NCKAP5: variants seen among roughly 807,000 people sequenced by gnomAD.
NCKAP5 encodes nck-associated protein 5.
In NCKAP5, 92 loss-of-function variants were observed where a neutral mutation model predicts 167.0. The ratio of observed to expected loss-of-function variants is 0.55; its 90% confidence interval spans 0.47 to 0.66. The LOEUF (loss-of-function observed/expected upper bound fraction) is 0.66, where lower values mean the gene tolerates loss of function less well. Among genes scored for constraint, NCKAP5 ranks in the 30% least tolerant of loss-of-function variants. The pLI is 0.00. For synonymous variants in NCKAP5, 891 were observed against 877.4 expected (o/e 1.02, Z -0.27); for missense variants, 2,378 against 2,315.0 (o/e 1.03, Z -0.56).
chr2:133,089,323 C>T (rs1451703016), intron 6 of NCKAP5, among the ~76,000 whole-genome samples: 3 of 152,160 alleles, frequency 2.0e-5, no homozygotes, highest in South Asian at 2.1e-4. Flanking sequence ...ATTTTTAAAA[C>T]AAGCTTTAAT....
intron 4 of NCKAP5, among the ~76,000 whole-genome samples, chr2:133,257,235 G>A (rs927085905): frequency 6.6e-6 from 1 of 152,152 alleles, no homozygotes; most frequent in Non-Finnish European, 1.5e-5. Flanking sequence ...CATGTGAAGT[G>A]CCAACAAGCA....
At chr2:133,652,650 C>T in the NCKAP5 span, among the ~76,000 whole-genome samples, 2 of 152,190 alleles carry the variant, frequency 1.3e-5, no homozygotes, top group Non-Finnish European at 2.9e-5. Context: ...TTCTCTCTGG[C>T]CAAAGAACTT....
chr2:133,407,309 A>G (rs978013439), intron 3 of NCKAP5, among the ~76,000 whole-genome samples: 2 of 152,216 alleles, frequency 1.3e-5, no homozygotes, highest in African/African-American at 4.8e-5. Context: ...TCTGTACACA[A>G]TGGAAGCAGA....
rs188129550 is a variant in NCKAP5 at position 133,544,706 on chromosome 2, T to C, written c.-62+14344A>G. ...CTTCACACAAATGGATGAACTGTTT[T>C]CTAGGATAAATAGCTAAAGGTGCCC... On this transcript the variant is annotated intron_variant, in intron 2 of 19. Coordinates refer to ENST00000409261, the MANE Select transcript of NCKAP5 (RefSeq NM_207363.3). Among the ~76,000 whole-genome samples the C allele has an allele frequency of 1.7e-3, 258 of 152,338 alleles. 2 individuals carry two copies. The highest frequency in any genetic ancestry group is 5.7e-3 in the African/African-American group (237 of 41,580).
At position 132,784,894 on chromosome 2, in the gene NCKAP5, G is replaced by A; in HGVS notation, c.1917C>T (p.Pro639=). The A allele has an allele frequency of 6.4e-7, 1 of 1,567,936 alleles. No homozygotes were observed. Among genetic ancestry groups the A allele is most frequent in the Non-Finnish European group, 8.6e-7 (1 of 1,158,288 alleles). Residue 639 remains proline (P), a synonymous_variant, in exon 14 of 20, where the codon CCC becomes CCT. Coordinates refer to ENST00000409261, the MANE Select transcript of NCKAP5 (RefSeq NM_207363.3). ...GSPEEEEKQV[P]IPSETRPKTF... is the part of the protein sequence containing the mutation. ...TCTTTGGCCTAGTCTCTGAAGGGAT[G>A]GGCACTTGTTTTTCCTCCTCTTCAG...
At chr2:133,354,099 G>T (rs1684544147) in intron 3 of NCKAP5, among the ~76,000 whole-genome samples, 1 of 152,188 alleles carries the variant, frequency 6.6e-6, no homozygotes, top group African/African-American at 2.4e-5. Flanking sequence ...CTCCCCTCAG[G>T]GGTTTGGGCA....
chr2:133,289,465 G>A (rs569754314), intron 4 of NCKAP5, among the ~76,000 whole-genome samples: 1 of 152,182 alleles, frequency 6.6e-6, no homozygotes, highest in Admixed American at 6.5e-5. Flanking sequence ...CTTGAAGCCA[G>A]GCGAGGTGGC....
chr2:133,286,827 C>T (rs1679177976), intron 4 of NCKAP5, among the ~76,000 whole-genome samples: 1 of 152,076 alleles, frequency 6.6e-6, no homozygotes, highest in African/African-American at 2.4e-5. Context: ...GAAAAACTGT[C>T]TTTAGATAAA....
chr2:133,213,624 ATTT>A, intron 5 of NCKAP5, 89 bp downstream of exon 5: 2 of 1,239,446 alleles, frequency 1.6e-6, no homozygotes, highest in Non-Finnish European at 2.3e-6. Flanking sequence ...GCAAGCAAAT[ATTT>A]TCCTTAGATA....
intron 11 of NCKAP5, among the ~76,000 whole-genome samples, chr2:132,851,401 T>C (rs550909948): frequency 6.6e-6 from 1 of 152,254 alleles, no homozygotes; most frequent in African/African-American, 2.4e-5. Context: ...TATGAGAGTA[T>C]CTTGCCCTGA....
intron 6 of NCKAP5, among the ~76,000 whole-genome samples, chr2:133,027,098 GC>G (rs755849335): frequency 3.9e-5 from 6 of 152,168 alleles, no homozygotes; most frequent in Non-Finnish European, 8.8e-5. Flanking sequence ...GGCTACTGTA[GC>G]TATCCTTTCA....
chr2:133,210,123 C>T (rs2086140117), intron 5 of NCKAP5, among the ~76,000 whole-genome samples: 1 of 149,798 alleles, frequency 6.7e-6, no homozygotes, highest in Non-Finnish European at 1.5e-5. Flanking sequence ...CGAGACCGGG[C>T]CACTGCACTC....
chr2:132,773,750 T>C (rs1030951839), intron 16 of NCKAP5, 66 bp downstream of exon 16: 2 of 1,271,448 alleles, frequency 1.6e-6, no homozygotes, highest in Admixed American at 1.9e-5. Context: ...GAATGTACCA[T>C]ATCTGGAAGA....
chr2:132,680,185 C>T (rs1685036971), intron 19 of NCKAP5, among the ~76,000 whole-genome samples: 1 of 150,660 alleles, frequency 6.6e-6, no homozygotes, highest in South Asian at 2.1e-4. Flanking sequence ...ATTACCTCAA[C>T]TGGACACATT....
At chr2:132,956,697 C>T (rs1330344036) in intron 8 of NCKAP5, among the ~76,000 whole-genome samples, 1 of 152,152 alleles carries the variant, frequency 6.6e-6, no homozygotes, top group East Asian at 1.9e-4. Flanking sequence ...CATGTCTCCA[C>T]ATGTTTTCCT....
Position 133,100,641 on chromosome 2 carries a change from G to A in NCKAP5, c.341+29337C>T, listed in dbSNP as rs190825867. Among the ~76,000 whole-genome samples the A allele has an allele frequency of 2.4e-3, 359 of 152,146 alleles. 3 individuals carry two copies. The highest frequency in any genetic ancestry group is 7.9e-3 in the African/African-American group (330 of 41,510). ...ATCCTTTTTGGTTATAACAAACTTG[G>A]AAGAAGTATCTCATTTAAACTCCAT... On this transcript the variant is annotated intron_variant, in intron 6 of 19. Coordinates refer to ENST00000409261, the MANE Select transcript of NCKAP5 (RefSeq NM_207363.3).
intron 19 of NCKAP5, among the ~76,000 whole-genome samples, chr2:132,704,707 T>C (rs995928215): frequency 2.6e-5 from 4 of 152,314 alleles, no homozygotes; most frequent in South Asian, 2.1e-4. Flanking sequence ...TTAGTCTCCA[T>C]GGTTCATTGT....
chr2:133,591,660 A>G, the NCKAP5 span, among the ~76,000 whole-genome samples: 2 of 152,202 alleles, frequency 1.3e-5, no homozygotes, highest in Non-Finnish European at 2.9e-5. Context: ...AAAAACACCA[A>G]CAAAAACACC....
At chr2:132,680,114 C>T (rs767201374) in intron 19 of NCKAP5, among the ~76,000 whole-genome samples, 26 of 152,060 alleles carry the variant, frequency 1.7e-4, no homozygotes, top group South Asian at 4.1e-4. Context: ...TGATATTAAC[C>T]CTGTTAACCT....
Sources: allele counts gnomAD v4.1 joint callset (sites outside exome capture counted in the v4.1 genomes callset), GRCh38; gene constraint gnomAD v4.1.1; transcripts MANE v1.5; gene names NCBI Gene and HGNC (gene_info 2026-07-23, HGNC 2026-07-21).